PALM: variants seen among roughly 807,000 people sequenced by gnomAD.
PALM encodes paralemmin.
A neutral mutation model predicts 30.7 loss-of-function variants in PALM; 18 were observed. That is an observed-to-expected ratio of 0.59 (90% CI 0.41 to 0.87). PALM has a LOEUF of 0.87. Among genes scored for constraint, PALM ranks in the 40% least tolerant of loss-of-function variants. The pLI is 0.00. For synonymous variants in PALM, 286 were observed against 242.8 expected (o/e 1.18, Z -1.66); for missense variants, 529 against 555.4 (o/e 0.95, Z 0.48).
intron 1 of PALM, among the ~76,000 whole-genome samples, chr19:725,299 C>T (rs1181510119): frequency 6.6e-6 from 1 of 150,428 alleles, no homozygotes; most frequent in Non-Finnish European, 1.5e-5. Flanking sequence ...TGGCTCACGC[C>T]TGTAATCCCA....
At chr19:710,263 GC>G (rs2032028525) in intron 1 of PALM, among the ~76,000 whole-genome samples, 1 of 152,208 alleles carries the variant, frequency 6.6e-6, no homozygotes, top group South Asian at 2.1e-4. Flanking sequence ...GGGGGCCGCT[GC>G]CTCCCTCCCT....
At chr19:711,911 G>A (rs1261888699) in intron 1 of PALM, among the ~76,000 whole-genome samples, 1 of 152,038 alleles carries the variant, frequency 6.6e-6, no homozygotes, top group Non-Finnish European at 1.5e-5. Context: ...TGCATGGGAA[G>A]GTGGTTTGAG....
At chr19:712,088 T>C (rs948522159) in intron 1 of PALM, among the ~76,000 whole-genome samples, 7 of 151,964 alleles carry the variant, frequency 4.6e-5, no homozygotes, top group African/African-American at 1.7e-4. Context: ...AGTGCTGCGA[T>C]CTCCACTCAC....
intron 1 of PALM, among the ~76,000 whole-genome samples, chr19:718,068 G>C (rs1352576009): frequency 1.3e-5 from 2 of 152,178 alleles, no homozygotes; most frequent in Non-Finnish European, 2.9e-5. Context: ...TGTAATCCCA[G>C]CTACTCAGGA....
intron 1 of PALM, chr19:718,990 C>T: frequency 3.4e-6 from 1 of 296,376 alleles, no homozygotes; most frequent in South Asian, 1.3e-4. Context: ...ACTCCATCCC[C>T]TGCTGCCCCC....
intron 8 of PALM, among the ~76,000 whole-genome samples, chr19:744,896 AG>A (rs1326694923): frequency 3.6e-4 from 54 of 148,770 alleles, no homozygotes; most frequent in Non-Finnish European, 4.6e-4. Flanking sequence ...AAAAAAAAAA[AG>A]CAGCAGGCAC....
intron 1 of PALM, among the ~76,000 whole-genome samples, chr19:713,671 T>G (rs1237578560): frequency 6.6e-6 from 1 of 151,770 alleles, no homozygotes; most frequent in Non-Finnish European, 1.5e-5. Flanking sequence ...CTCTGCCTCC[T>G]GGGTTCACGC....
At chr19:732,270 C>G (rs982657357) in intron 5 of PALM, among the ~76,000 whole-genome samples, 11 of 152,186 alleles carry the variant, frequency 7.2e-5, no homozygotes, top group African/African-American at 2.4e-4. Flanking sequence ...GGAACAGTAT[C>G]CCCGTGTGAT....
In PALM at chr19:742,254, C is replaced by T. The variant is rs533386974; in HGVS notation, c.634+1771C>T. On this transcript the variant is annotated intron_variant, in intron 8 of 8. Coordinates refer to ENST00000338448, the MANE Select transcript of PALM (RefSeq NM_002579.3). This position sits in a 1 kb window ranked among gnomAD's most constrained non-coding sequence, Gnocchi z 5.5. The stretch of plus-strand genomic sequence containing the variant: ...CTCCCTATCCCCTCCCCAGCTCTGG[C>T]ACCCACGCATCCCCTCCTGTCTCTC... Among the ~76,000 whole-genome samples the T allele has an allele frequency of 7.1e-4, 108 of 152,234 alleles. 1 individual carries two copies. The highest frequency in any genetic ancestry group is 6.9e-3 in the Admixed American group (106 of 15,270).
Position 746,498 on chromosome 19 carries a change from C to T in PALM, c.848C>T (p.Ala283Val), listed in dbSNP as rs188184317. Residue 283 changes from alanine to valine, a missense_variant, in exon 9 of 9, where the codon GCC (alanine) becomes GTC (valine). Coordinates refer to ENST00000338448, the MANE Select transcript of PALM (RefSeq NM_002579.3). The surrounding 1 kb of genome is among the most constrained non-coding windows in gnomAD (Gnocchi z 7.1). ...GGTGTGCAGGCACAGCCAGGCGAGGCCACGTCCGGCCCGCCGGGGATCCAG... is the reference window on the plus strand; with the variant it reads ...GGTGTGCAGGCACAGCCAGGCGAGGTCACGTCCGGCCCGCCGGGGATCCAG... ...ITGVQAQPGE[A>V]TSGPPGIQPG... 681 of 1,611,806 alleles carry T rather than the reference C, an allele frequency of 4.2e-4. 9 individuals are homozygous for T. In the East Asian group the frequency reaches 9.2e-3, roughly 22 times the overall value.
intron 6 of PALM, chr19:734,445 A>T (rs1443106401): frequency 1.9e-6 from 1 of 525,280 alleles, no homozygotes; most frequent in Non-Finnish European, 3.4e-6. Context: ...CATGCCTGTA[A>T]TCCCAGCACT....
chr19:724,286 C>T (rs2032588862), intron 1 of PALM, among the ~76,000 whole-genome samples: 1 of 152,060 alleles, frequency 6.6e-6, no homozygotes, highest in African/African-American at 2.4e-5. Context: ...TCCCTTCAGG[C>T]GTATCCGGCA....
At chr19:740,262 C>A in intron 7 of PALM, 90 bp from the exon 8 acceptor site, 1 of 1,343,788 alleles carries the variant, frequency 7.4e-7, no homozygotes, top group Non-Finnish European at 1.0e-6. Context: ...CTCTGCGCTG[C>A]TGGCTCCCCC....
At position 745,002 on chromosome 19, in the gene PALM, A is replaced by C. The variant is rs564138891; in HGVS notation, c.635-1283A>C. ...CAAGACCAGACTGGCCAACGTGGTG[A>C]AACCCCATCTCTACTAAACGTACAA... On this transcript the variant is annotated intron_variant, in intron 8 of 8. Transcript: ENST00000338448. Among the ~76,000 whole-genome samples the C allele has an allele frequency of 4.0e-5, 6 of 151,620 alleles. 1 individual carries two copies. The highest frequency in any genetic ancestry group is 1.5e-4 in the African/African-American group (6 of 41,260).
intron 5 of PALM, 149 bp downstream of exon 5, chr19:731,394 C>T: frequency 2.7e-6 from 2 of 748,152 alleles, no homozygotes; most frequent in Non-Finnish European, 2.1e-6. Context: ...GGAGCCACTT[C>T]CCAGCTGTGT....
chr19:742,741 T>A lies in PALM; in HGVS notation c.634+2258T>A, dbSNP rs1018182125. Among the ~76,000 whole-genome samples, 6 of 152,196 alleles carry A rather than the reference T, an allele frequency of 3.9e-5. No homozygotes were observed. Among genetic ancestry groups the A allele is most frequent in the African/African-American group, 1.4e-4 (6 of 41,450 alleles). ...GTGGCCTGGGTCGGAGCCTGACTCCTTTTCATGGCTGAATACTATTCCACG... is the reference window on the plus strand; with the variant it reads ...GTGGCCTGGGTCGGAGCCTGACTCCATTTCATGGCTGAATACTATTCCACG... On this transcript the variant is annotated intron_variant, in intron 8 of 8. Transcript: ENST00000338448. This position sits in a 1 kb window ranked among gnomAD's most constrained non-coding sequence, Gnocchi z 5.5.
At position 746,997 on chromosome 19, in the gene PALM, C is replaced by A; in HGVS notation, c.*183C>A. The A allele has an allele frequency of 1.7e-6, 1 of 594,124 alleles. No homozygotes were observed. The highest frequency in any genetic ancestry group is 3.0e-6 in the Non-Finnish European group (1 of 333,972). The allele number at this position is 594,124 out of a possible 1,614,324, so 36.8% of individuals were successfully genotyped here. A position where few individuals can be genotyped will look rare whatever the true frequency, so the allele number is the denominator to read the frequency against. On this transcript the variant is annotated 3_prime_UTR_variant, in exon 9 of 9. Coordinates refer to ENST00000338448, the MANE Select transcript of PALM (RefSeq NM_002579.3). This position sits in a 1 kb window ranked among gnomAD's most constrained non-coding sequence, Gnocchi z 7.1. ...ACAGGGGCCCCCACCCGTCACCACGCCCCAACACTCCCCCCGAACCAGAGC... is the reference window on the plus strand; with the variant it reads ...ACAGGGGCCCCCACCCGTCACCACGACCCAACACTCCCCCCGAACCAGAGC...
chr19:738,559 C>T (rs898116980), intron 7 of PALM, among the ~76,000 whole-genome samples: 1 of 151,922 alleles, frequency 6.6e-6, no homozygotes, highest in Non-Finnish European at 1.5e-5. Context: ...GAGCTGCCCC[C>T]AACGGGTGGG....
intron 7 of PALM, among the ~76,000 whole-genome samples, chr19:739,441 AG>A (rs1269831887): frequency 3.9e-5 from 6 of 152,060 alleles, no homozygotes; most frequent in Admixed American, 6.6e-5. Context: ...GGGCTTTGGG[AG>A]GCTGAGGTGG....
Sources: allele counts gnomAD v4.1 joint callset (sites outside exome capture counted in the v4.1 genomes callset), GRCh38; gene constraint gnomAD v4.1.1; non-coding constraint Gnocchi (gnomAD v3.1); transcripts MANE v1.5; gene names NCBI Gene and HGNC (gene_info 2026-07-23, HGNC 2026-07-21).